Variants in RPS6KA2 observed in about 807,000 individuals in gnomAD.
The protein encoded by RPS6KA2 is ribosomal protein S6 kinase A2.
Under a neutral mutation model 91.8 loss-of-function variants are expected in RPS6KA2, and 42 were observed. The observed-to-expected ratio is 0.46, with a 90% confidence interval of 0.36 to 0.59. RPS6KA2 has a LOEUF of 0.59. Among genes scored for constraint, RPS6KA2 ranks in the 20% least tolerant of loss-of-function variants. RPS6KA2 has a pLI of 0.00. For missense variants in RPS6KA2, 798 were observed against 978.5 expected (o/e 0.82, Z 2.46); for synonymous variants, 414 against 393.6 (o/e 1.05, Z -0.61).
At chr6:166,845,065 CTTA>C in intron 2 of RPS6KA2, among the ~76,000 whole-genome samples, 1 of 152,080 alleles carries the variant, frequency 6.6e-6, no homozygotes, top group East Asian at 1.9e-4. Context: ...AGTAACTATT[CTTA>C]TATCAAACAA....
chr6:166,743,386 C>T (rs1381696142), intron 2 of RPS6KA2, among the ~76,000 whole-genome samples: 1 of 152,176 alleles, frequency 6.6e-6, no homozygotes, highest in East Asian at 1.9e-4. Context: ...AGCAACCAGG[C>T]CGAAGAACAA....
chr6:166,764,357 G>A (rs75898046), intron 2 of RPS6KA2, among the ~76,000 whole-genome samples: 1,872 of 152,306 alleles, frequency 0.012, 79 homozygotes, highest in Admixed American at 0.083. Context: ...TGCCCAGGGT[G>A]GCCGAGGAGC....
intron 2 of RPS6KA2, among the ~76,000 whole-genome samples, chr6:166,815,681 T>C (rs1353814769): frequency 6.6e-6 from 1 of 152,118 alleles, no homozygotes; most frequent in Non-Finnish European, 1.5e-5. Context: ...CAGGAAATAA[T>C]GTGGCCCTGA....
chr6:166,705,047 C>T (rs546611462), intron 2 of RPS6KA2, among the ~76,000 whole-genome samples: 1 of 152,226 alleles, frequency 6.6e-6, no homozygotes, highest in Non-Finnish European at 1.5e-5. Flanking sequence ...TGATTTTGCA[C>T]AATGCAAACT....
chr6:166,498,775 T>A (rs1781895010), intron 7 of RPS6KA2, 125 bp from the exon 8 acceptor site: 1 of 1,258,546 alleles, frequency 7.9e-7, no homozygotes, highest in Admixed American at 2.2e-5. Context: ...AGCAGAGCCC[T>A]GCTCAGCAAA....
At chr6:166,645,139 A>G (rs979940786) in intron 2 of RPS6KA2, among the ~76,000 whole-genome samples, 6 of 152,364 alleles carry the variant, frequency 3.9e-5, no homozygotes, top group Non-Finnish European at 7.3e-5. Context: ...GACCTAGAAA[A>G]TGAACGAAAC....
chr6:166,488,789 G>A, intron 10 of RPS6KA2, 44 bp downstream of exon 10: 3 of 1,467,106 alleles, frequency 2.0e-6, no homozygotes, highest in South Asian at 1.2e-5. Context: ...TTGCGGGGCA[G>A]CGCCCTGCAC....
At chr6:166,834,133 G>A (rs551477515) in intron 2 of RPS6KA2, among the ~76,000 whole-genome samples, 55 of 152,254 alleles carry the variant, frequency 3.6e-4, no homozygotes, top group Non-Finnish European at 6.9e-4. Flanking sequence ...AAGTAGCTGC[G>A]TCATTTTGCA....
At chr6:166,757,861 A>G in intron 2 of RPS6KA2, 1 of 288,740 alleles carries the variant, frequency 3.5e-6, no homozygotes, top group Non-Finnish European at 6.8e-6. Flanking sequence ...AGAGAAGCTG[A>G]GAAAACCTCA....
intron 10 of RPS6KA2, among the ~76,000 whole-genome samples, chr6:166,477,480 T>TA (rs1173583441): frequency 2.0e-5 from 3 of 152,316 alleles, no homozygotes; most frequent in South Asian, 2.1e-4. Flanking sequence ...GGTTTTAATT[T>TA]AAAAAATAGG....
At chr6:166,463,228 G>C (rs141378884) in intron 11 of RPS6KA2, 1 of 152,398 alleles carries the variant, frequency 6.6e-6, no homozygotes, top group Non-Finnish European at 1.5e-5. Flanking sequence ...CGGGTTTGAG[G>C]CTTTGGGGGA....
intron 1 of RPS6KA2, among the ~76,000 whole-genome samples, chr6:166,552,627 C>A (rs1784056485): frequency 6.6e-6 from 1 of 152,182 alleles, no homozygotes; most frequent in Non-Finnish European, 1.5e-5. Flanking sequence ...GGACCACACG[C>A]CTTGCCTGGG....
Position 166,763,667 on chromosome 6 carries a change from T to G in RPS6KA2, c.123+94533A>C, listed in dbSNP as rs368165843. Among the ~76,000 whole-genome samples, 10 of 152,340 alleles carry G rather than the reference T, an allele frequency of 6.6e-5. No individual in the cohort carries two copies. In the East Asian group the frequency reaches 1.7e-3, roughly 26 times the overall value. On this transcript the variant is annotated intron_variant, in intron 2 of 21. Transcript: ENST00000503859. Reference sequence around the variant, plus strand: ...GTTAATTAAGAAAGAGCTGTCAATTTCTTTACCTCCTCCCTGTACAGATAA... The same window carrying G: ...GTTAATTAAGAAAGAGCTGTCAATTGCTTTACCTCCTCCCTGTACAGATAA...
chr6:166,839,275 T>C (rs926880063), intron 2 of RPS6KA2, among the ~76,000 whole-genome samples: 5 of 152,190 alleles, frequency 3.3e-5, no homozygotes, highest in Non-Finnish European at 7.3e-5. Context: ...CTTCCTGCAT[T>C]GTTCCGTGAA....
chr6:166,523,668 T>C (rs1236757773), intron 3 of RPS6KA2, among the ~76,000 whole-genome samples: 1 of 152,176 alleles, frequency 6.6e-6, no homozygotes, highest in Non-Finnish European at 1.5e-5. Flanking sequence ...GAATCTGAAA[T>C]CATCCAAATG....
intron 10 of RPS6KA2, among the ~76,000 whole-genome samples, chr6:166,470,383 C>T (rs753160829): frequency 6.6e-6 from 1 of 152,176 alleles, no homozygotes; most frequent in African/African-American, 2.4e-5. Flanking sequence ...GACTGAGTCC[C>T]GGAGGAAGCC....
intron 6 of RPS6KA2, among the ~76,000 whole-genome samples, chr6:166,501,649 G>T (rs182902036): frequency 1.3e-5 from 2 of 152,348 alleles, no homozygotes; most frequent in East Asian, 3.9e-4. Context: ...TCCGTAAAGG[G>T]CTGGGTGCAG....
chr6:166,589,790 A>G (rs1436823218), intron 1 of RPS6KA2, among the ~76,000 whole-genome samples: 1 of 152,204 alleles, frequency 6.6e-6, no homozygotes, highest in Non-Finnish European at 1.5e-5. Context: ...CAAACAAATC[A>G]GATTTGTTGG....
chr6:166,846,036 G>C (rs1217721243), intron 2 of RPS6KA2, among the ~76,000 whole-genome samples: 1 of 151,838 alleles, frequency 6.6e-6, no homozygotes, highest in African/African-American at 2.4e-5. Flanking sequence ...ATTACAACTG[G>C]ATACCATAGA....
Sources: gnomAD v4.1 joint callset for allele counts (sites outside exome capture counted in the v4.1 genomes callset) on GRCh38, gnomAD v4.1.1 for gene constraint, MANE v1.5 for transcripts, NCBI Gene and HGNC (gene_info 2026-07-23, HGNC 2026-07-21) for gene names.